SAAL1: variants seen among roughly 807,000 people sequenced by gnomAD.
SAAL1 encodes protein SAAL1.
SAAL1 carries 42 observed loss-of-function variants against 59.8 expected under a neutral mutation model. The observed-to-expected ratio is 0.70, with a 90% confidence interval of 0.55 to 0.91. The LOEUF is 0.91. Among genes scored for constraint, SAAL1 ranks in the 40% least tolerant of loss-of-function variants. The pLI, the probability that SAAL1 is intolerant of heterozygous loss-of-function variation, is 0.00. For synonymous variants in SAAL1, 191 were observed against 194.3 expected (o/e 0.98, Z 0.14); for missense variants, 542 against 561.1 (o/e 0.97, Z 0.34).
intron 5 of SAAL1, 31 bp from the exon 6 acceptor site, chr11:18,090,321 T>G: frequency 6.4e-7 from 1 of 1,552,288 alleles, no homozygotes. Flanking sequence ...GAATTTCTAC[T>G]TTTCAAAAAA....
chr11:18,087,847 G>A (rs1161027297), intron 7 of SAAL1, among the ~76,000 whole-genome samples: 7 of 152,182 alleles, frequency 4.6e-5, no homozygotes, highest in Admixed American at 3.9e-4. Context: ...ACTATGTTAG[G>A]AGTTGAGAAA....
chr11:18,088,627 G>T (rs1848491505), intron 7 of SAAL1, among the ~76,000 whole-genome samples: 2 of 152,176 alleles, frequency 1.3e-5, no homozygotes, highest in Non-Finnish European at 2.9e-5. Context: ...ACTGCAATGG[G>T]AAAATACTGG....
At chr11:18,081,019 C>G (rs1439240294) in intron 11 of SAAL1, among the ~76,000 whole-genome samples, 1 of 151,992 alleles carries the variant, frequency 6.6e-6, no homozygotes, top group East Asian at 1.9e-4. Flanking sequence ...TCAGGGGAGT[C>G]TAAATGTGCA....
chr11:18,102,392 C>T (rs1322566487), intron 2 of SAAL1, among the ~76,000 whole-genome samples: 1 of 143,606 alleles, frequency 7.0e-6, no homozygotes, highest in Non-Finnish European at 1.5e-5. Context: ...ATAGAGACTC[C>T]ATCTCAAAAA....
chr11:18,092,439 G>A (rs1848532011), intron 3 of SAAL1, 115 bp from the exon 4 acceptor site: 1 of 699,438 alleles, frequency 1.4e-6, no homozygotes, highest in Non-Finnish European at 2.6e-6. Context: ...GCGGAGGGGA[G>A]GCAGGATAAA....
At chr11:18,105,786 C>G in intron 1 of SAAL1, 121 bp downstream of exon 1, 1 of 1,272,942 alleles carries the variant, frequency 7.9e-7, no homozygotes, top group Non-Finnish European at 1.0e-6. Context: ...TCCCGCAGCG[C>G]ACGCCTGGGG....
intron 10 of SAAL1, 72 bp from the exon 11 acceptor site, chr11:18,081,575 T>C: frequency 9.0e-7 from 1 of 1,113,418 alleles, no homozygotes; most frequent in Non-Finnish European, 1.4e-6. Flanking sequence ...TAAAAACAAA[T>C]CAGGATATTC....
In SAAL1 at chr11:18,086,904, G is replaced by T; in HGVS notation, c.1004C>A (p.Ala335Asp). The change falls in exon 9 of 12, where the codon GCC becomes GAC. Residue 335 changes from alanine (A) to aspartate (D), a missense_variant. By Grantham distance (126) the Ala-to-Asp change is moderately radical (BLOSUM62 -2). Coordinates refer to ENST00000524803, the MANE Select transcript of SAAL1 (RefSeq NM_138421.3). Reference protein sequence around the residue: ...SVFSVLSAIYASQTEQEYLKI... With the variant: ...SVFSVLSAIYDSQTEQEYLKI... ...TAGATACTCTTGCTCAGTCTGTGAG[G>T]CATAGATGGCAGACAACACTGAAAA... 6.2e-7 allele frequency: 1 copy of T among 1,613,952 alleles called. No homozygotes were observed. Among genetic ancestry groups the T allele is most frequent in the Non-Finnish European group, 8.5e-7 (1 of 1,179,934 alleles).
At position 18,080,376 on chromosome 11, in the gene SAAL1, C is replaced by A; in HGVS notation, c.*23G>T. 1 of 1,410,786 alleles carries A rather than the reference C, an allele frequency of 7.1e-7. No individual in the cohort carries two copies. Among genetic ancestry groups the A allele is most frequent in the Non-Finnish European group, 9.8e-7 (1 of 1,020,716 alleles). The allele number at this position is 1,410,786 out of a possible 1,614,324, so 87.4% of individuals were successfully genotyped here. On this transcript the variant is annotated 3_prime_UTR_variant, in exon 12 of 12. Coordinates refer to ENST00000524803, the MANE Select transcript of SAAL1 (RefSeq NM_138421.3). ...AGAAAAATAAAGTTTATTTCTTGTA[C>A]AGAAGTAATTCCAATTCAGGTTTTA...
chr11:18,081,963 T>C (rs890676017), intron 10 of SAAL1, among the ~76,000 whole-genome samples: 1 of 152,214 alleles, frequency 6.6e-6, no homozygotes, highest in Non-Finnish European at 1.5e-5. Flanking sequence ...TTCCTCTCTA[T>C]TGCTTTTGGA....
chr11:18,105,389 G>T (rs1290574399), intron 1 of SAAL1, among the ~76,000 whole-genome samples: 1 of 149,632 alleles, frequency 6.7e-6, no homozygotes, highest in Non-Finnish European at 1.5e-5. Flanking sequence ...GCCCAGGCTG[G>T]TCTCAAACTC....
Position 18,087,168 on chromosome 11 carries a change from T to C in SAAL1, c.828A>G (p.Thr276=), listed in dbSNP as rs747255375. The change falls in exon 8 of 12, where the codon ACA becomes ACG. Residue 276 remains threonine, a synonymous_variant. Transcript: ENST00000524803. ...CAATTGCTTGAATTCCATCATCCAC[T>C]GTAGTAAGCAGTTGTAAAATGTGCA... ...VYMHILQLLT[T]VDDGIQAIVH... The C allele has an allele frequency of 1.2e-6, 2 of 1,613,136 alleles. No individual in the cohort carries two copies. The highest frequency in any genetic ancestry group is 1.7e-6 in the Non-Finnish European group (2 of 1,179,186).
chr11:18,101,660 A>G (rs1848635210), intron 2 of SAAL1, among the ~76,000 whole-genome samples: 1 of 152,174 alleles, frequency 6.6e-6, no homozygotes, highest in African/African-American at 2.4e-5. Context: ...ACACCACTCT[A>G]GGTATTCACC....
Position 18,105,919 on chromosome 11 carries a change from G to T in SAAL1, c.123C>A (p.Ser41Arg). ...CGAGTTTCCACACCTGGATGAGTCC[G>T]CTGAGGACGCCGAAGAGCCAGTGTT... Reference protein sequence around the residue: ...YSKHWLFGVLSGLIQIVSPEN... With the variant: ...YSKHWLFGVLRGLIQIVSPEN... The change falls in exon 1 of 12, where the codon AGC (serine) becomes AGA (arginine). Residue 41 changes from serine to arginine, a missense_variant. Ser to Arg is a moderately radical substitution (Grantham distance 110). Coordinates refer to ENST00000524803, the MANE Select transcript of SAAL1 (RefSeq NM_138421.3). 1 of 1,602,164 alleles carries T rather than the reference G, an allele frequency of 6.2e-7. No homozygotes were observed.
intron 1 of SAAL1, 100 bp downstream of exon 1, chr11:18,105,807 G>A (rs1848683051): frequency 2.9e-6 from 4 of 1,403,018 alleles, no homozygotes; most frequent in Admixed American, 5.7e-5. Context: ...AGGGGTCTTT[G>A]TGGGGATGGC....
At chr11:18,100,832 C>A (rs1053956692) in intron 2 of SAAL1, among the ~76,000 whole-genome samples, 1 of 152,152 alleles carries the variant, frequency 6.6e-6, no homozygotes, top group Non-Finnish European at 1.5e-5. Flanking sequence ...TAAACTTCAT[C>A]CATCCTTGCA....
chr11:18,093,924 C>T (rs1848547782), intron 3 of SAAL1: 1 of 152,158 alleles, frequency 6.6e-6, no homozygotes, highest in African/African-American at 2.4e-5. Context: ...TTCAAGTTGC[C>T]TCATTTCCCC....
intron 9 of SAAL1, among the ~76,000 whole-genome samples, chr11:18,084,826 C>T (rs1848446243): frequency 6.6e-6 from 1 of 152,086 alleles, no homozygotes; most frequent in South Asian, 2.1e-4. Context: ...AGTACAATGG[C>T]GTGATTTCAG....
chr11:18,090,338 A>C (rs1848510238), intron 5 of SAAL1, 48 bp from the exon 6 acceptor site: 1 of 1,571,422 alleles, frequency 6.4e-7, no homozygotes, highest in South Asian at 1.2e-5. Flanking sequence ...AAAAAAAAAA[A>C]AAACAGTAAA....
Sources: gnomAD v4.1 joint callset for allele counts (sites outside exome capture counted in the v4.1 genomes callset) on GRCh38, gnomAD v4.1.1 for gene constraint, MANE v1.5 for transcripts, NCBI Gene and HGNC (gene_info 2026-07-23, HGNC 2026-07-21) for gene names.